The following FBXL7 variants were observed in gnomAD, a reference collection of about 807,000 sequenced individuals.
The protein encoded by FBXL7 is F-box/LRR-repeat protein 7.
FBXL7 carries 12 observed loss-of-function variants against 38.3 expected under a neutral mutation model. The ratio of observed to expected loss-of-function variants is 0.31; its 90% CI spans 0.20 to 0.51. FBXL7 has a LOEUF of 0.51. FBXL7 is among the 20% of genes least tolerant of loss of function. The probability of loss-of-function intolerance (pLI) is 0.98; values close to 1 mark genes in which losing one functional copy is unlikely to be tolerated. For synonymous variants in FBXL7, 297 were observed against 300.9 expected, an observed-to-expected ratio of 0.99 and a Z score of 0.13; for missense variants, 567 against 676.4, an observed-to-expected ratio of 0.84 and a Z score of 1.79.
intron 2 of FBXL7, among the ~76,000 whole-genome samples, chr5:15,899,057 A>G (rs1275985067): frequency 6.6e-6 from 1 of 152,122 alleles, no homozygotes; most frequent in African/African-American, 2.4e-5. Flanking sequence ...TCTATCAATC[A>G]TTACAAAATA....
intron 1 of FBXL7, among the ~76,000 whole-genome samples, chr5:15,578,335 G>T (rs185751826): frequency 1.7e-3 from 264 of 152,012 alleles, no homozygotes; most frequent in African/African-American, 6.1e-3. Context: ...ATCCCCTTTC[G>T]GCAACAATTA....
intron 2 of FBXL7, among the ~76,000 whole-genome samples, chr5:15,817,020 G>T (rs1738033602): frequency 6.6e-6 from 1 of 152,208 alleles, no homozygotes; most frequent in Admixed American, 6.5e-5. Context: ...GGCTGATGGT[G>T]AGGGAATGGT....
intron 2 of FBXL7, among the ~76,000 whole-genome samples, chr5:15,926,660 G>C (rs1741883792): frequency 1.3e-5 from 2 of 152,038 alleles, no homozygotes; most frequent in South Asian, 4.1e-4. Context: ...GTCCTTATCA[G>C]CGATCTTTCT....
At chr5:15,796,704 C>T (rs1737425588) in intron 2 of FBXL7, among the ~76,000 whole-genome samples, 1 of 152,204 alleles carries the variant, frequency 6.6e-6, no homozygotes, top group Non-Finnish European at 1.5e-5. Context: ...AGCACCTCAG[C>T]AGGGAGTATT....
At chr5:15,870,767 C>G (rs1739921616) in intron 2 of FBXL7, among the ~76,000 whole-genome samples, 1 of 152,188 alleles carries the variant, frequency 6.6e-6, no homozygotes, top group Non-Finnish European at 1.5e-5. Context: ...CTAGATTCCT[C>G]CTCTCTGAGC....
At chr5:15,791,128 G>A (rs898434288) in intron 2 of FBXL7, among the ~76,000 whole-genome samples, 2 of 151,914 alleles carry the variant, frequency 1.3e-5, no homozygotes, top group African/African-American at 4.8e-5. Context: ...CCTAAATTGG[G>A]TATAATACCT....
At position 15,538,042 on chromosome 5, in the gene FBXL7, A is replaced by G. The variant is rs1178554376; in HGVS notation, c.37+37329A>G. Among the ~76,000 whole-genome samples the G allele has an allele frequency of 2.6e-5, 4 of 152,332 alleles. No individual in the cohort carries two copies. The East Asian group carries it at 7.7e-4, about 29-fold the overall frequency. On this transcript the variant is annotated intron_variant, in intron 1 of 3. Coordinates refer to ENST00000504595, the MANE Select transcript of FBXL7 (RefSeq NM_012304.5). Reference sequence around the variant, plus strand: ...ACTAGACCCAGGTTTCATCAGTACCAGTCAAATCAGATCTCTTCTGCACAT... The same window carrying G: ...ACTAGACCCAGGTTTCATCAGTACCGGTCAAATCAGATCTCTTCTGCACAT...
intron 2 of FBXL7, among the ~76,000 whole-genome samples, chr5:15,732,109 A>G (rs1031514123): frequency 1.3e-5 from 2 of 152,206 alleles, no homozygotes; most frequent in African/African-American, 4.8e-5. Flanking sequence ...TTTTCCCCAG[A>G]CACGGTATAA....
chr5:15,805,485 A>T (rs1737684119), intron 2 of FBXL7, among the ~76,000 whole-genome samples: 1 of 151,496 alleles, frequency 6.6e-6, no homozygotes, highest in African/African-American at 2.4e-5. Flanking sequence ...TGGAGTTTTA[A>T]TTTTTTTTAT....
At position 15,595,622 on chromosome 5, in the gene FBXL7, G is replaced by A. The variant is rs142693190; in HGVS notation, c.38-20361G>A. 3.3e-3 allele frequency among the ~76,000 whole-genome samples: 500 copies of A among 152,244 alleles called. 1 individual carries two copies. The highest frequency in any genetic ancestry group is 5.1e-3 in the Non-Finnish European group (348 of 68,026). On this transcript the variant is annotated intron_variant, in intron 1 of 3. Transcript: ENST00000504595. Reference sequence around the variant, plus strand: ...TTACTATGTGCCAAGCTTCCAACTAGGTGCTTTACATGTGTTAATTCATAG... The same window carrying A: ...TTACTATGTGCCAAGCTTCCAACTAAGTGCTTTACATGTGTTAATTCATAG...
intron 2 of FBXL7, among the ~76,000 whole-genome samples, chr5:15,660,682 A>G (rs985181615): frequency 1.3e-5 from 2 of 152,120 alleles, no homozygotes; most frequent in Non-Finnish European, 2.9e-5. Flanking sequence ...TAAAGCATGT[A>G]TAACTTCCAA....
chr5:15,936,571 C>G lies in FBXL7; in HGVS notation c.861C>G (p.Asp287Glu), dbSNP rs1469542363. ...TGACGGACTGCTTCGTGCTGGAGGA[C>G]GAAGGCCTGCACACCATCGCGGCGC... ...LDMTDCFVLE[D>E]EGLHTIAAHC... Residue 287 changes from aspartate to glutamate, a missense_variant, in exon 4 of 4, where the codon GAC becomes GAG. By Grantham distance (45) the Asp-to-Glu change is conservative. Transcript: ENST00000504595. This position sits in a 1 kb window ranked among gnomAD's most constrained non-coding sequence, Gnocchi z 6.0. 6.2e-7 allele frequency: 1 copy of G among 1,612,848 alleles called. No individual in the cohort carries two copies. Among genetic ancestry groups the G allele is most frequent in the East Asian group, 2.2e-5 (1 of 44,876 alleles).
chr5:15,808,255 T>C (rs1172535001), intron 2 of FBXL7, among the ~76,000 whole-genome samples: 1 of 152,162 alleles, frequency 6.6e-6, no homozygotes, highest in African/African-American at 2.4e-5. Flanking sequence ...CTCAGTGTCG[T>C]ATCAAATTCC....
intron 2 of FBXL7, among the ~76,000 whole-genome samples, chr5:15,666,375 G>A (rs1742276958): frequency 6.6e-6 from 1 of 152,072 alleles, no homozygotes; most frequent in African/African-American, 2.4e-5. Context: ...CCATCTATCT[G>A]CACTATCTAC....
At chr5:15,897,579 A>G (rs1347175054) in intron 2 of FBXL7, among the ~76,000 whole-genome samples, 1 of 152,256 alleles carries the variant, frequency 6.6e-6, no homozygotes, top group Non-Finnish European at 1.5e-5. Flanking sequence ...AAAAGATTTT[A>G]AAGTAAAAAC....
intron 2 of FBXL7, among the ~76,000 whole-genome samples, chr5:15,665,706 A>G (rs1193427596): frequency 6.6e-6 from 1 of 152,182 alleles, no homozygotes; most frequent in East Asian, 1.9e-4. Flanking sequence ...ATCCACAGCT[A>G]TATACCTGTC....
chr5:15,606,643 A>G (rs1740035110), intron 1 of FBXL7: 1 of 152,254 alleles, frequency 6.6e-6, no homozygotes, highest in South Asian at 2.1e-4. Flanking sequence ...TGAAAGGAAG[A>G]AAGGAAAACA....
chr5:15,502,737 A>C (rs1736531213), intron 1 of FBXL7, among the ~76,000 whole-genome samples: 1 of 152,204 alleles, frequency 6.6e-6, no homozygotes. Flanking sequence ...TAGGGATGTA[A>C]TATATGTAAT....
chr5:15,541,439 G>A (rs1737743681), intron 1 of FBXL7, among the ~76,000 whole-genome samples: 1 of 58,296 alleles, frequency 1.7e-5, no homozygotes, highest in Non-Finnish European at 3.3e-5. Context: ...ATATGTGTGT[G>A]TGTGTATATA....
Sources: allele counts gnomAD v4.1 joint callset (sites outside exome capture counted in the v4.1 genomes callset), GRCh38; gene constraint gnomAD v4.1.1; non-coding constraint Gnocchi (gnomAD v3.1); transcripts MANE v1.5; gene names NCBI Gene and HGNC (gene_info 2026-07-23, HGNC 2026-07-21).